The following OR3A2 variants were observed in gnomAD, a reference collection of about 807,000 sequenced individuals.
OR3A2 encodes olfactory receptor 3A2.
For synonymous variants in OR3A2, 126 were observed against 159.3 expected (o/e 0.79, Z 1.57); for missense variants, 318 against 392.8 (o/e 0.81, Z 1.61).
At chr17:3,303,929 A>G (rs9899061) in intron 3 of OR3A2, among the ~76,000 whole-genome samples, 24,412 of 122,012 alleles carry the variant, frequency 0.2, 2,893 homozygotes, top group African/African-American at 0.37. Context: ...ATATAAATAT[A>G]TATATTATAT....
At chr17:3,366,669 A>G (rs754145310) in intron 2 of OR3A2, among the ~76,000 whole-genome samples, 15 of 152,176 alleles carry the variant, frequency 9.9e-5, no homozygotes, top group Non-Finnish European at 1.8e-4. Flanking sequence ...TTTTTCACAC[A>G]CACACAAATG....
intron 3 of OR3A2, among the ~76,000 whole-genome samples, chr17:3,332,082 C>G (rs1215704238): frequency 6.6e-6 from 1 of 152,150 alleles, no homozygotes; most frequent in Non-Finnish European, 1.5e-5. Context: ...TCTCAGATCT[C>G]CAGCTGTGTG....
At chr17:3,365,657 T>C (rs2049556720) in intron 2 of OR3A2, among the ~76,000 whole-genome samples, 4 of 152,088 alleles carry the variant, frequency 2.6e-5, no homozygotes, top group Admixed American at 2.6e-4. Context: ...ACCCAACACC[T>C]TGAGGTTACT....
intron 3 of OR3A2, among the ~76,000 whole-genome samples, chr17:3,334,078 T>C (rs780948958): frequency 6.6e-6 from 1 of 152,154 alleles, no homozygotes; most frequent in Non-Finnish European, 1.5e-5. Flanking sequence ...CCAGTCAGAA[T>C]GGCAATTACT....
At chr17:3,299,448 A>G (rs2048945284) in intron 3 of OR3A2, among the ~76,000 whole-genome samples, 1 of 152,210 alleles carries the variant, frequency 6.6e-6, no homozygotes, top group Non-Finnish European at 1.5e-5. Flanking sequence ...TTGGTGGTAG[A>G]AGAGCTGAGT....
In OR3A2 at chr17:3,342,071, G is replaced by A. The variant is rs977111171; in HGVS notation, c.-178-5945C>T. On this transcript the variant is annotated intron_variant, in intron 2 of 4. Transcript: ENST00000573491. ...TTGATCAAATCGGCTACTGAAGCTT[G>A]TGCATGCGTCACGTAGTTCTTGTGT... Among the ~76,000 whole-genome samples the A allele has an allele frequency of 4.0e-5, 6 of 151,656 alleles. No homozygotes were observed. In the South Asian group the frequency reaches 1.2e-3, roughly 32 times the overall value.
intron 2 of OR3A2, among the ~76,000 whole-genome samples, chr17:3,372,069 G>A (rs1355369403): frequency 7.1e-6 from 1 of 140,658 alleles, no homozygotes; most frequent in African/African-American, 2.8e-5. Flanking sequence ...TTCTCAGACG[G>A]GGCAGTTGCC....
At chr17:3,334,439 C>T (rs1043447786) in intron 3 of OR3A2, among the ~76,000 whole-genome samples, 1 of 152,122 alleles carries the variant, frequency 6.6e-6, no homozygotes, top group Non-Finnish European at 1.5e-5. Flanking sequence ...AACATAATGA[C>T]CCCCAGTTCC....
chr17:3,346,291 T>C (rs2049363430), intron 2 of OR3A2, among the ~76,000 whole-genome samples: 2 of 152,166 alleles, frequency 1.3e-5, no homozygotes, highest in Admixed American at 1.3e-4. Flanking sequence ...TATTTATAAG[T>C]ACATGAGATA....
chr17:3,326,032 C>A (rs1241858780), intron 3 of OR3A2, among the ~76,000 whole-genome samples: 1 of 152,026 alleles, frequency 6.6e-6, no homozygotes, highest in East Asian at 1.9e-4. Flanking sequence ...TAAGTGAGAA[C>A]ATGAGGTGTT....
intron 3 of OR3A2, among the ~76,000 whole-genome samples, chr17:3,293,053 T>C (rs924396597): frequency 8.6e-5 from 13 of 151,158 alleles, no homozygotes; most frequent in African/African-American, 2.9e-4. Context: ...ATAAACTAGA[T>C]TGGATGGATT....
intron 2 of OR3A2, among the ~76,000 whole-genome samples, chr17:3,364,749 C>T (rs1487917750): frequency 1.3e-5 from 2 of 152,124 alleles, no homozygotes; most frequent in East Asian, 3.8e-4. Flanking sequence ...GGGTATATAG[C>T]CAAAGGAAGT....
chr17:3,311,898 GA>G lies in OR3A2; in HGVS notation c.-85+24134del. ...AGAACCCTGATGTGCAGGGCACCCTGAAAAGGGTGCTGACAGGGAAGAGGCC... is the reference window on the plus strand; with the variant it reads ...AGAACCCTGATGTGCAGGGCACCCTGAAAGGGTGCTGACAGGGAAGAGGCC... On this transcript the variant is annotated intron_variant, in intron 3 of 4. Coordinates refer to the OR3A2 transcript ENST00000573491. This position sits in a 1 kb window ranked among gnomAD's most constrained non-coding sequence, Gnocchi z 4.6. 1 of 155,544 alleles carries G rather than the reference GA, an allele frequency of 6.4e-6. No individual in the cohort carries two copies. The highest frequency in any genetic ancestry group is 2.0e-4 in the South Asian group (1 of 5,072). The allele number at this position is 155,544 out of a possible 1,614,324, so 9.6% of individuals were successfully genotyped here.
At chr17:3,371,760 A>C (rs1399694300) in intron 2 of OR3A2, among the ~76,000 whole-genome samples, 15 of 125,082 alleles carry the variant, frequency 1.2e-4, no homozygotes, top group African/African-American at 4.0e-4. Flanking sequence ...CTCACTTCCC[A>C]GTAGGGGCGG....
rs60491901 is a variant in OR3A2, at chr17:3,310,541, C to T, written c.-85+25492G>A. ...TGTCCCTGCCAGATGTGGGGTGTGTCAGTGTCACTGTCCCTGCCATGCTGA... is the reference window on the plus strand; with the variant it reads ...TGTCCCTGCCAGATGTGGGGTGTGTTAGTGTCACTGTCCCTGCCATGCTGA... On this transcript the variant is annotated intron_variant, in intron 3 of 4. Transcript: ENST00000573491. 4,653 of 536,004 alleles carry T rather than the reference C, an allele frequency of 8.7e-3. 168 individuals are homozygous for T. The highest frequency in any genetic ancestry group is 0.079 in the African/African-American group (4,125 of 52,074). The allele number at this position is 536,004 out of a possible 1,614,324, so 33.2% of individuals were successfully genotyped here.
At chr17:3,375,602 C>T (rs2049676737) in intron 2 of OR3A2, among the ~76,000 whole-genome samples, 1 of 152,064 alleles carries the variant, frequency 6.6e-6, no homozygotes, top group Non-Finnish European at 1.5e-5. Context: ...GTGCCTGGCC[C>T]AGTAATTTCT....
intron 3 of OR3A2, among the ~76,000 whole-genome samples, chr17:3,326,212 C>A (rs1028246899): frequency 1.3e-5 from 2 of 152,052 alleles, no homozygotes; most frequent in African/African-American, 4.8e-5. Flanking sequence ...TGGGTTGATT[C>A]CATGTCTTTG....
chr17:3,332,546 G>A (rs1027668965), intron 3 of OR3A2, among the ~76,000 whole-genome samples: 44 of 152,324 alleles, frequency 2.9e-4, no homozygotes, highest in Middle Eastern at 3.4e-3. Flanking sequence ...GCAATGCCTC[G>A]CCCTGCTTCA....
intron 3 of OR3A2, among the ~76,000 whole-genome samples, chr17:3,299,106 C>T (rs1023030382): frequency 6.6e-6 from 1 of 152,038 alleles, no homozygotes; most frequent in Non-Finnish European, 1.5e-5. Flanking sequence ...TTTATCATAC[C>T]ACACCAATGA....
Sources: gnomAD v4.1 joint callset for allele counts (sites outside exome capture counted in the v4.1 genomes callset) on GRCh38, gnomAD v4.1.1 for gene constraint, Gnocchi (gnomAD v3.1) non-coding constraint, MANE v1.5 for transcripts, NCBI Gene and HGNC (gene_info 2026-07-23, HGNC 2026-07-21) for gene names.